The following RNMT variants were observed in gnomAD, a reference collection of about 807,000 sequenced individuals.
The protein encoded by RNMT is mRNA cap guanine-N(7) methyltransferase.
Under a neutral mutation model 56.0 loss-of-function variants are expected in RNMT, and 27 were observed. That is an observed-to-expected ratio of 0.48 (90% CI 0.36 to 0.67). The LOEUF is 0.67. Ranked by LOEUF, RNMT falls within the 30% of genes least tolerant of loss-of-function variation. The probability of loss-of-function intolerance (pLI) is 0.00; values close to 1 mark genes in which losing one functional copy is unlikely to be tolerated. For synonymous variants in RNMT, 184 were observed against 176.2 expected, an observed-to-expected ratio of 1.04 and a Z score of -0.35; for missense variants, 519 against 552.1, an observed-to-expected ratio of 0.94 and a Z score of 0.60.
intron 4 of RNMT, among the ~76,000 whole-genome samples, chr18:13,735,500 C>CTTTTT (rs5823269): frequency 8.0e-5 from 11 of 138,250 alleles, no homozygotes; most frequent in African/African-American, 2.4e-4. Flanking sequence ...TGAGTGTTCA[C>CTTTTT]TTTTTTTTTT....
Position 13,762,675 on chromosome 18 carries a change from G to A in RNMT, c.*2696G>A. On this transcript the variant is annotated 3_prime_UTR_variant, in exon 12 of 12. Coordinates refer to ENST00000383314, the MANE Select transcript of RNMT (RefSeq NM_003799.3). ...CTCTCTGACTTCACATGTTAATAGA[G>A]GATCAGAGCAGAGTTGGGAGTATAT... 1 of 207,642 alleles carries A rather than the reference G, an allele frequency of 4.8e-6. No individual in the cohort carries two copies. Among genetic ancestry groups the A allele is most frequent in the Non-Finnish European group, 9.9e-6 (1 of 101,438 alleles). 12.9% of individuals were successfully genotyped at this position (207,642 alleles called of 1,614,324 possible).
chr18:13,748,938 G>A (rs1177246747), intron 9 of RNMT, among the ~76,000 whole-genome samples: 1 of 152,124 alleles, frequency 6.6e-6, no homozygotes, highest in Non-Finnish European at 1.5e-5. Context: ...AATTAGCCAG[G>A]TGTGGTGGTG....
chr18:13,750,433 T>C (rs1169377499), intron 9 of RNMT, among the ~76,000 whole-genome samples: 1 of 152,120 alleles, frequency 6.6e-6, no homozygotes, highest in East Asian at 1.9e-4. Flanking sequence ...AAGTGTTTGC[T>C]GCTAAATGGT....
In RNMT at chr18:13,731,670, G is replaced by A. The variant is rs149130238; in HGVS notation, c.153G>A (p.Arg51=). 8 of 1,613,970 alleles carry A rather than the reference G, an allele frequency of 5.0e-6. No individual in the cohort carries two copies. The highest frequency in any genetic ancestry group is 6.8e-6 in the Non-Finnish European group (8 of 1,180,004). ...TTTCTGAAAAGACTTCTGTCTGTAG[G>A]CAAGTAGACATAGCAAGAAAGAGAA... ...TGLSEKTSVC[R]QVDIARKRKE... The change falls in exon 3 of 12, where the codon AGG becomes AGA. Residue 51 remains arginine (R), a synonymous_variant. Transcript: ENST00000383314.
intron 4 of RNMT, among the ~76,000 whole-genome samples, chr18:13,736,349 A>C (rs926449829): frequency 2.0e-5 from 3 of 152,162 alleles, no homozygotes; most frequent in African/African-American, 7.2e-5. Context: ...CTTGCCTGAG[A>C]ATATTAATAT....
At chr18:13,743,976 A>T (rs1056504846) in intron 8 of RNMT, among the ~76,000 whole-genome samples, 1 of 152,006 alleles carries the variant, frequency 6.6e-6, no homozygotes, top group Non-Finnish European at 1.5e-5. Context: ...TAAAACTAAT[A>T]AACTGGGGAA....
intron 4 of RNMT, among the ~76,000 whole-genome samples, 166 bp from the exon 5 acceptor site, chr18:13,736,844 A>G (rs917862550): frequency 9.2e-5 from 14 of 152,196 alleles, no homozygotes; most frequent in African/African-American, 3.1e-4. Context: ...ATCAACTCTT[A>G]GTCATATTTT....
chr18:13,734,395 C>A, intron 3 of RNMT, 69 bp from the exon 4 acceptor site: 1 of 1,418,284 alleles, frequency 7.1e-7, no homozygotes, highest in Non-Finnish European at 9.6e-7. Context: ...ATTCACAGGT[C>A]AAATGTTCTG....
chr18:13,756,361 CA>C (rs924115134), intron 11 of RNMT, among the ~76,000 whole-genome samples: 7 of 152,014 alleles, frequency 4.6e-5, no homozygotes, highest in African/African-American at 9.7e-5. Context: ...TTAGTGGTTT[CA>C]AATGACCCTA....
At chr18:13,742,454 TC>T in intron 7 of RNMT, 33 bp from the exon 8 acceptor site, 1 of 1,599,184 alleles carries the variant, frequency 6.3e-7, no homozygotes, top group African/African-American at 1.3e-5. Flanking sequence ...ACAATTTTAA[TC>T]TTTTTATTTT....
In RNMT at chr18:13,731,873, C is replaced by T. The variant is rs1183963381; in HGVS notation, c.356C>T (p.Thr119Ile). Reference protein sequence around the residue: ...TEDVPKDKSSTGDGTQNKRKI... With the variant: ...TEDVPKDKSSIGDGTQNKRKI... ...GATGTTCCAAAAGATAAATCTTCTA[C>T]TGGAGATGGCACTCAAAATAAGAGA... The change falls in exon 3 of 12, where the codon ACT (threonine) becomes ATT (isoleucine). Residue 119 changes from threonine to isoleucine, a missense_variant. Thr to Ile is a moderately conservative substitution (Grantham distance 89). Coordinates refer to ENST00000383314, the MANE Select transcript of RNMT (RefSeq NM_003799.3). 1 of 1,607,872 alleles carries T rather than the reference C, an allele frequency of 6.2e-7. No homozygotes were observed. Among genetic ancestry groups the T allele is most frequent in the African/African-American group, 1.3e-5 (1 of 74,268 alleles).
At position 13,763,425 on chromosome 18, in the gene RNMT, A is replaced by T. The variant is rs73418757; in HGVS notation, c.*3446A>T. On this transcript the variant is annotated 3_prime_UTR_variant, in exon 12 of 12. Transcript: ENST00000383314. ...CCTGCACCTCACCACGATATTGAGG[A>T]AGCACAGGACATCCAAGGGTACTCT... 849 of 236,134 alleles carry T rather than the reference A, an allele frequency of 3.6e-3. 7 individuals are homozygous for T. The highest frequency in any genetic ancestry group is 0.017 in the African/African-American group (761 of 45,316). The allele number at this position is 236,134 out of a possible 1,614,324, so 14.6% of individuals were successfully genotyped here.
chr18:13,739,830 A>C (rs1479089486), intron 5 of RNMT, among the ~76,000 whole-genome samples: 1 of 152,176 alleles, frequency 6.6e-6, no homozygotes, highest in Non-Finnish European at 1.5e-5. Flanking sequence ...TATTATAAAA[A>C]TATACCCTTG....
chr18:13,753,731 A>G (rs1312188271), intron 10 of RNMT, among the ~76,000 whole-genome samples: 1 of 151,788 alleles, frequency 6.6e-6, no homozygotes, highest in Admixed American at 6.6e-5. Flanking sequence ...AGATCACGCC[A>G]CTGCCCTCCA....
rs1004461264 is a variant in RNMT, at chr18:13,763,129, A to T, written c.*3150A>T. The T allele has an allele frequency of 3.1e-5, 14 of 455,930 alleles. No individual in the cohort carries two copies. The highest frequency in any genetic ancestry group is 4.4e-5 in the Non-Finnish European group (10 of 226,800). 28.2% of individuals were successfully genotyped at this position (455,930 alleles called of 1,614,324 possible). On this transcript the variant is annotated 3_prime_UTR_variant, in exon 12 of 12. Coordinates refer to ENST00000383314, the MANE Select transcript of RNMT (RefSeq NM_003799.3). Reference sequence around the variant, plus strand: ...TTGATGGCCTGTTGGTCAAATAGGAAGTACAAGTGTGTGATGTTAGAACCT... The same window carrying T: ...TTGATGGCCTGTTGGTCAAATAGGATGTACAAGTGTGTGATGTTAGAACCT...
At chr18:13,733,480 CGATT>C (rs1568499080) in intron 3 of RNMT, among the ~76,000 whole-genome samples, 5 of 152,056 alleles carry the variant, frequency 3.3e-5, no homozygotes, top group African/African-American at 1.2e-4. Context: ...TGGGTTCAAG[CGATT>C]CTCCTGCCTC....
At chr18:13,750,974 T>C (rs1036499094) in intron 9 of RNMT, among the ~76,000 whole-genome samples, 2 of 152,088 alleles carry the variant, frequency 1.3e-5, no homozygotes, top group African/African-American at 4.8e-5. Context: ...TCAAGATGGA[T>C]TAAAGACTTA....
intron 9 of RNMT, among the ~76,000 whole-genome samples, chr18:13,750,511 A>G (rs550577657): frequency 6.6e-6 from 1 of 152,042 alleles, no homozygotes; most frequent in South Asian, 2.1e-4. Flanking sequence ...ATAAAAGTTG[A>G]CCATAAGGCT....
chr18:13,742,379 T>A, intron 7 of RNMT, 109 bp from the exon 8 acceptor site: 1 of 923,726 alleles, frequency 1.1e-6, no homozygotes, highest in Non-Finnish European at 1.6e-6. Context: ...ATTAAAAGGC[T>A]AATCAAGTGT....
Sources: allele counts gnomAD v4.1 joint callset (sites outside exome capture counted in the v4.1 genomes callset), GRCh38; gene constraint gnomAD v4.1.1; transcripts MANE v1.5; gene names NCBI Gene and HGNC (gene_info 2026-07-23, HGNC 2026-07-21).